Variants in TMEM71 observed in about 807,000 individuals in gnomAD.
The protein encoded by TMEM71 is transmembrane protein 71.
Under a neutral mutation model 38.0 loss-of-function variants are expected in TMEM71, and 44 were observed. The observed-to-expected ratio is 1.16, with a 90% confidence interval of 0.91 to 1.49. The LOEUF (loss-of-function observed/expected upper bound fraction) is 1.49, where lower values mean the gene tolerates loss of function less well. Among genes scored for constraint, TMEM71 ranks in the 40% most tolerant of loss-of-function variants. The pLI is 0.00. For synonymous variants in TMEM71, 133 were observed against 122.5 expected (o/e 1.09, Z -0.56); for missense variants, 367 against 348.6 (o/e 1.05, Z -0.42).
intron 5 of TMEM71, among the ~76,000 whole-genome samples, chr8:132,736,286 A>G (rs1026713362): frequency 3.3e-5 from 5 of 152,200 alleles, no homozygotes; most frequent in African/African-American, 1.2e-4. Context: ...AGAAAAAAAC[A>G]GGGGAGAATC....
chr8:132,715,593 T>C (rs1212526343), intron 7 of TMEM71, among the ~76,000 whole-genome samples: 1 of 152,068 alleles, frequency 6.6e-6, no homozygotes, highest in Non-Finnish European at 1.5e-5. Flanking sequence ...TTAATTCAAC[T>C]GAGGTGAATT....
rs1895807 is a variant in TMEM71 at position 132,710,920 on chromosome 8, A to G, written c.*47T>C. ...GTAGACTGCAAGTTGGACAATTTCC[A>G]GATATTCAGATGGAGGACATTCATC... is the stretch of plus-strand genomic sequence containing the variant. On this transcript the variant is annotated 3_prime_UTR_variant, in exon 10 of 10. Coordinates refer to ENST00000677595, the MANE Select transcript of TMEM71 (RefSeq NM_001382403.1). 0.47 allele frequency: 745,526 copies of G among 1,577,242 alleles called. 185,708 individuals carry two copies. Among genetic ancestry groups the G allele is most frequent in the African/African-American group, 0.87 (63,896 of 73,682 alleles).
chr8:132,768,617 C>T, the TMEM71 span, among the ~76,000 whole-genome samples: 2 of 152,118 alleles, frequency 1.3e-5, no homozygotes, highest in Non-Finnish European at 2.9e-5. Context: ...GGGTGTTTCT[C>T]CTCATTCTGG....
intron 5 of TMEM71, among the ~76,000 whole-genome samples, chr8:132,741,568 T>C (rs1451696532): frequency 7.3e-6 from 1 of 137,620 alleles, no homozygotes; most frequent in African/African-American, 2.6e-5. Flanking sequence ...ACGTGTCCAC[T>C]GGACAGGGGG....
upstream of TMEM71, among the ~76,000 whole-genome samples, chr8:132,762,112 A>G: frequency 6.6e-6 from 1 of 152,266 alleles, no homozygotes; most frequent in East Asian, 1.9e-4. Context: ...ACAGCAACAC[A>G]TAGCAGATGC....
rs1829267783 is a variant in TMEM71 at position 132,760,471 on chromosome 8, C to A, written c.-37+5G>T. On this transcript the variant is annotated splice_donor_5th_base_variant and intron_variant, in intron 1 of 9. Coordinates refer to ENST00000677595, the MANE Select transcript of TMEM71 (RefSeq NM_001382403.1). ...AGTCTCTTAATAAAGGGAATCCCAC[C>A]CTACCTTCTTCTCACAGATGCCCAC... is the stretch of plus-strand genomic sequence containing the variant. The A allele has an allele frequency of 6.6e-6, 1 of 152,208 alleles. No homozygotes were observed. The highest frequency in any genetic ancestry group is 2.4e-5 in the African/African-American group (1 of 41,432). The allele number at this position is 152,208 out of a possible 1,614,324, so 9.4% of individuals were successfully genotyped here.
chr8:132,741,582 T>C (rs1828040689), intron 5 of TMEM71, among the ~76,000 whole-genome samples: 1 of 136,596 alleles, frequency 7.3e-6, no homozygotes, highest in African/African-American at 2.7e-5. Context: ...CAGGGGGCCC[T>C]TCCTGCCTGG....
At chr8:132,775,273 G>C in the TMEM71 span, 1 of 323,774 alleles carries the variant, frequency 3.1e-6, no homozygotes, top group Non-Finnish European at 5.6e-6. Context: ...CTCCTACGGC[G>C]GCCCGCCAAT....
intron 4 of TMEM71, among the ~76,000 whole-genome samples, chr8:132,747,469 C>T (rs1828454904): frequency 6.6e-6 from 1 of 152,188 alleles, no homozygotes; most frequent in Admixed American, 6.5e-5. Flanking sequence ...GAAATAGATA[C>T]TATTATTATC....
intron 5 of TMEM71, among the ~76,000 whole-genome samples, chr8:132,746,438 T>TACATATATATAA (rs1828371107): frequency 6.2e-5 from 1 of 16,130 alleles, no homozygotes; most frequent in African/African-American, 1.2e-4. Context: ...CATATATATA[T>TACATATATATAA]ACATATACAT....
the TMEM71 span, among the ~76,000 whole-genome samples, chr8:132,774,708 A>G: frequency 0.85 from 130,074 of 152,262 alleles, 56,261 homozygotes; most frequent in East Asian, 1. Context: ...GTGCTTAGTA[A>G]AGTTTGGGAG....
chr8:132,713,841 T>C (rs1826362259), intron 9 of TMEM71, among the ~76,000 whole-genome samples, 154 bp downstream of exon 9: 1 of 152,236 alleles, frequency 6.6e-6, no homozygotes, highest in African/African-American at 2.4e-5. Flanking sequence ...ATGATAATAC[T>C]ATTAAATTTT....
Position 132,756,411 on chromosome 8 carries a change from T to TATATATA in TMEM71, c.101+822_101+823insTATATAT, listed in dbSNP as rs1554619985. 4.1e-3 allele frequency among the ~76,000 whole-genome samples: 470 copies of TATATATA among 115,782 alleles called. 4 individuals carry two copies. In the Middle Eastern group the frequency reaches 0.045, roughly 11 times the overall value. The allele number at this position is 115,782 out of a possible 152,430, so 76.0% of individuals were successfully genotyped here. On this transcript the variant is annotated intron_variant, in intron 3 of 9. Coordinates refer to ENST00000677595, the MANE Select transcript of TMEM71 (RefSeq NM_001382403.1). ...CCATATATTGACACTAACATATATA[T>TATATATA]TATATATATATATATATATATATAT...
At chr8:132,764,002 C>A (rs1829333635), upstream of TMEM71, among the ~76,000 whole-genome samples, 1 of 152,174 alleles carries the variant, frequency 6.6e-6, no homozygotes, top group Non-Finnish European at 1.5e-5. Context: ...TCTTCCTACC[C>A]AAGCCTCATC....
chr8:132,735,384 T>C (rs1827690950), intron 5 of TMEM71, among the ~76,000 whole-genome samples: 1 of 152,248 alleles, frequency 6.6e-6, no homozygotes, highest in Non-Finnish European at 1.5e-5. Flanking sequence ...CAAAACAATT[T>C]AATTTTGATT....
At position 132,726,741 on chromosome 8, in the gene TMEM71, T is replaced by C. The variant is rs150368730; in HGVS notation, c.676+1057A>G. Among the ~76,000 whole-genome samples the C allele has an allele frequency of 3.0e-3, 456 of 152,346 alleles. 2 individuals carry two copies. The highest frequency in any genetic ancestry group is 0.01 in the African/African-American group (430 of 41,586). The stretch of plus-strand genomic sequence containing the variant: ...TAAGGGACATGCTTGTTGAATTTAT[T>C]ACAGCTTTGCTCCTGCCAGAAAATA... On this transcript the variant is annotated intron_variant, in intron 6 of 9. Coordinates refer to ENST00000677595, the MANE Select transcript of TMEM71 (RefSeq NM_001382403.1).
chr8:132,750,497 C>T (rs1828646639), intron 4 of TMEM71, among the ~76,000 whole-genome samples: 3 of 152,154 alleles, frequency 2.0e-5, no homozygotes, highest in Admixed American at 2.0e-4. Context: ...CCAATGGTCT[C>T]AAGGGAATGA....
chr8:132,752,442 A>T (rs980572008), intron 3 of TMEM71, among the ~76,000 whole-genome samples: 16 of 152,156 alleles, frequency 1.1e-4, no homozygotes, highest in Non-Finnish European at 2.2e-4. Context: ...AGTCAAAATG[A>T]TCATTTTTGG....
At position 132,742,666 on chromosome 8, in the gene TMEM71, C is replaced by G. The variant is rs74428402; in HGVS notation, c.487+4276G>C. Among the ~76,000 whole-genome samples the G allele has an allele frequency of 9.2e-5, 14 of 152,318 alleles. No individual in the cohort carries two copies. The East Asian group carries it at 2.5e-3, about 27-fold the overall frequency. ...CAGTGGCTGGCACATAGCACATACT[C>G]AGTGAGTTTGATGAGTGAATGAATA... On this transcript the variant is annotated intron_variant, in intron 5 of 9. Transcript: ENST00000677595.
Sources: gnomAD v4.1 joint callset for allele counts (sites outside exome capture counted in the v4.1 genomes callset) on GRCh38, gnomAD v4.1.1 for gene constraint, MANE v1.5 for transcripts, NCBI Gene and HGNC (gene_info 2026-07-23, HGNC 2026-07-21) for gene names.